Variants in SMCO4 observed in about 807,000 individuals in gnomAD.
SMCO4 encodes the protein single-pass membrane and coiled-coil domain-containing protein 4.
A neutral mutation model predicts 3.6 loss-of-function variants in SMCO4; 4 were observed. The ratio of observed to expected loss-of-function variants is 1.11; its 90% CI spans 0.54 to 2.53. The LOEUF (loss-of-function observed/expected upper bound fraction) is 2.53, where lower values mean the gene tolerates loss of function less well. Among genes scored for constraint, SMCO4 ranks in the 30% most tolerant of loss-of-function variants. SMCO4 has a pLI of 0.02. For missense variants in SMCO4, 70 were observed against 80.8 expected (o/e 0.87, Z 0.51); for synonymous variants, 36 against 35.3 (o/e 1.02, Z -0.07).
At chr11:93,521,921 T>C (rs1026473327) in intron 1 of SMCO4, among the ~76,000 whole-genome samples, 1 of 152,226 alleles carries the variant, frequency 6.6e-6, no homozygotes, top group Non-Finnish European at 1.5e-5. Flanking sequence ...ATTTCTATTA[T>C]GGCCTGGGAG....
chr11:93,547,540 G>C (rs1168056538), upstream of SMCO4, among the ~76,000 whole-genome samples: 2 of 152,060 alleles, frequency 1.3e-5, no homozygotes, highest in Non-Finnish European at 2.9e-5. Context: ...ATTCTCATGT[G>C]TTTGTGTCTC....
At position 93,480,303 on chromosome 11, in the gene SMCO4, A is replaced by G. The variant is rs546111614; in HGVS notation, c.-80-1034T>C. ...TGAGGATGCCAGAGCCTGCATCACC[A>G]CCGTCAGCACTGGACATGGGCACTG... On this transcript the variant is annotated intron_variant, in intron 2 of 2. Coordinates refer to ENST00000298966, the MANE Select transcript of SMCO4 (RefSeq NM_020179.3). Among the ~76,000 whole-genome samples the G allele has an allele frequency of 2.0e-5, 3 of 152,070 alleles. No homozygotes were observed. In the South Asian group the frequency reaches 6.2e-4, roughly 31 times the overall value.
chr11:93,537,772 G>GGCACTTTTT (rs1307021457), intron 1 of SMCO4: 1 of 151,802 alleles, frequency 6.6e-6, no homozygotes, highest in Non-Finnish European at 1.5e-5. Context: ...ACAAGAAGAG[G>GGCACTTTTT]TTCCCTCTTT....
the SMCO4 span, among the ~76,000 whole-genome samples, chr11:93,552,623 T>A: frequency 4.6e-5 from 7 of 151,306 alleles, no homozygotes; most frequent in African/African-American, 1.5e-4. Context: ...AGGCACCCGC[T>A]AACAAGCCCG....
intron 1 of SMCO4, among the ~76,000 whole-genome samples, chr11:93,532,222 A>T (rs1335206414): frequency 6.6e-6 from 1 of 152,222 alleles, no homozygotes; most frequent in Non-Finnish European, 1.5e-5. Flanking sequence ...TAGTGTCCTT[A>T]TAAGAAAACA....
At chr11:93,522,281 C>A (rs1482367378) in intron 1 of SMCO4, among the ~76,000 whole-genome samples, 2 of 152,170 alleles carry the variant, frequency 1.3e-5, no homozygotes, top group Non-Finnish European at 2.9e-5. Context: ...GACTCTCTGG[C>A]ATGTTAGCTA....
chr11:93,526,365 C>T (rs534402578), intron 1 of SMCO4, among the ~76,000 whole-genome samples: 1 of 151,802 alleles, frequency 6.6e-6, no homozygotes, highest in South Asian at 2.1e-4. Flanking sequence ...TTTCAACCAC[C>T]GCAGTTACAG....
the SMCO4 span, among the ~76,000 whole-genome samples, chr11:93,548,729 AAC>A: frequency 1.3e-5 from 2 of 152,160 alleles, no homozygotes; most frequent in Non-Finnish European, 2.9e-5. Flanking sequence ...AACTGGAGAA[AAC>A]ACACAAACAA....
intron 2 of SMCO4, among the ~76,000 whole-genome samples, chr11:93,482,555 A>C (rs888163197): frequency 6.6e-6 from 1 of 152,228 alleles, no homozygotes; most frequent in Admixed American, 6.5e-5. Flanking sequence ...GCTACAGGGC[A>C]GGAAGGGGAA....
At chr11:93,544,970 CTA>C (rs1180587641), upstream of SMCO4, among the ~76,000 whole-genome samples, 6 of 152,176 alleles carry the variant, frequency 3.9e-5, no homozygotes, top group Non-Finnish European at 8.8e-5. Flanking sequence ...GGTAAGTTTC[CTA>C]CCTTCAAAGG....
chr11:93,504,810 G>A (rs1020306486), intron 1 of SMCO4, among the ~76,000 whole-genome samples: 12 of 152,158 alleles, frequency 7.9e-5, no homozygotes, highest in African/African-American at 2.9e-4. Flanking sequence ...TTGCATGGTG[G>A]GGAAGGGAAG....
chr11:93,510,624 A>G (rs1948948510), intron 1 of SMCO4, among the ~76,000 whole-genome samples: 1 of 152,172 alleles, frequency 6.6e-6, no homozygotes, highest in Non-Finnish European at 1.5e-5. Context: ...TGGAACAGGA[A>G]GCTGTCTCAT....
intron 1 of SMCO4, among the ~76,000 whole-genome samples, chr11:93,509,837 G>A (rs929324265): frequency 1.4e-4 from 21 of 152,184 alleles, no homozygotes; most frequent in Admixed American, 4.6e-4. Flanking sequence ...GATGGGAGCA[G>A]AGTGAGGGAT....
At chr11:93,532,135 A>G (rs1949168741) in intron 1 of SMCO4, among the ~76,000 whole-genome samples, 1 of 151,336 alleles carries the variant, frequency 6.6e-6, no homozygotes, top group Admixed American at 6.6e-5. Context: ...TAAACTCCCT[A>G]AACTGATTGA....
upstream of SMCO4, among the ~76,000 whole-genome samples, chr11:93,546,342 T>G (rs1949315826): frequency 6.6e-6 from 1 of 152,222 alleles, no homozygotes; most frequent in Non-Finnish European, 1.5e-5. Flanking sequence ...GCAGTCAACA[T>G]AACAATGGGC....
intron 1 of SMCO4, among the ~76,000 whole-genome samples, chr11:93,510,569 T>C (rs1231758371): frequency 1.3e-5 from 2 of 152,198 alleles, no homozygotes; most frequent in Non-Finnish European, 2.9e-5. Flanking sequence ...GCTTGTATGC[T>C]GTTACCACCC....
At chr11:93,532,807 G>A (rs963530010) in intron 1 of SMCO4, among the ~76,000 whole-genome samples, 1 of 152,060 alleles carries the variant, frequency 6.6e-6, no homozygotes, top group Non-Finnish European at 1.5e-5. Flanking sequence ...TACTCCTGCT[G>A]TTTAAGCCAC....
intron 1 of SMCO4, among the ~76,000 whole-genome samples, chr11:93,501,144 A>G (rs957846534): frequency 6.6e-6 from 1 of 152,226 alleles, no homozygotes; most frequent in African/African-American, 2.4e-5. Flanking sequence ...AGACTAGATC[A>G]GTGGTACTCA....
At chr11:93,511,959 T>A (rs1948961667) in intron 1 of SMCO4, among the ~76,000 whole-genome samples, 2 of 152,218 alleles carry the variant, frequency 1.3e-5, no homozygotes, top group African/African-American at 4.8e-5. Context: ...TCAATAGTGA[T>A]CTCACTTGTT....
Sources: gnomAD v4.1 joint callset for allele counts (sites outside exome capture counted in the v4.1 genomes callset) on GRCh38, gnomAD v4.1.1 for gene constraint, MANE v1.5 for transcripts, NCBI Gene and HGNC (gene_info 2026-07-23, HGNC 2026-07-21) for gene names.